The following HSPA4L variants were observed in gnomAD, a reference collection of about 807,000 sequenced individuals.
HSPA4L encodes heat shock 70 kDa protein 4L.
Under a neutral mutation model 100.3 loss-of-function variants are expected in HSPA4L, and 48 were observed. The ratio of observed to expected loss-of-function variants is 0.48; its 90% CI spans 0.38 to 0.61. The LOEUF is 0.61. Ranked by LOEUF, HSPA4L falls within the 20% of genes least tolerant of loss-of-function variation. HSPA4L has a pLI of 0.00. For missense variants in HSPA4L, 886 were observed against 988.6 expected (o/e 0.90, Z 1.39); for synonymous variants, 319 against 328.2 (o/e 0.97, Z 0.30).
intron 12 of HSPA4L, among the ~76,000 whole-genome samples, chr4:127,812,233 C>A (rs570654570): frequency 6.6e-6 from 1 of 151,744 alleles, no homozygotes; most frequent in Non-Finnish European, 1.5e-5. Flanking sequence ...CACAATGAAA[C>A]CCCGTCTCCA....
chr4:127,790,027 T>C (rs1732829025), intron 1 of HSPA4L, among the ~76,000 whole-genome samples: 1 of 152,234 alleles, frequency 6.6e-6, no homozygotes. Context: ...CCAAGCCTGG[T>C]TAAATGACAG....
chr4:127,785,848 T>C (rs988717137), intron 1 of HSPA4L, among the ~76,000 whole-genome samples: 4 of 152,276 alleles, frequency 2.6e-5, no homozygotes, highest in Admixed American at 2.6e-4. Context: ...AGGTTGTTTA[T>C]GATACTTTGT....
Position 127,819,447 on chromosome 4 carries a change from A to G in HSPA4L, c.1675-981A>G, listed in dbSNP as rs970386447. 1.4e-4 allele frequency among the ~76,000 whole-genome samples: 21 copies of G among 152,170 alleles called. 1 individual carries two copies. The highest frequency in any genetic ancestry group is 2.5e-4 in the Non-Finnish European group (17 of 68,018). On this transcript the variant is annotated intron_variant, in intron 13 of 18. Coordinates refer to ENST00000296464, the MANE Select transcript of HSPA4L (RefSeq NM_014278.4). The stretch of plus-strand genomic sequence containing the variant: ...GATTCTAAAGTTATTTAAAACCTGG[A>G]AACTTTTTTTCTGACTTTTTCAAAA...
chr4:127,809,965 T>G (rs1009325476), intron 11 of HSPA4L, among the ~76,000 whole-genome samples: 18 of 152,194 alleles, frequency 1.2e-4, no homozygotes, highest in African/African-American at 4.3e-4. Context: ...CCTAAAATAT[T>G]ATTTCTGAAC....
At chr4:127,792,156 A>G (rs1560651859) in intron 1 of HSPA4L, among the ~76,000 whole-genome samples, 1 of 152,210 alleles carries the variant, frequency 6.6e-6, no homozygotes, top group Non-Finnish European at 1.5e-5. Context: ...TCCATTATTC[A>G]GAAACATTTA....
intron 12 of HSPA4L, chr4:127,813,266 A>T: frequency 1.3e-6 from 1 of 776,232 alleles, no homozygotes; most frequent in Non-Finnish European, 2.2e-6. Context: ...CTATTTTAAG[A>T]CAGTTTCTCC....
intron 1 of HSPA4L, among the ~76,000 whole-genome samples, chr4:127,788,283 TTTAA>T (rs1469854564): frequency 4.6e-5 from 7 of 152,208 alleles, no homozygotes; most frequent in African/African-American, 1.4e-4. Context: ...TTGTTAAATG[TTTAA>T]TTATTTGTCC....
chr4:127,818,939 C>A (rs924466696), intron 13 of HSPA4L, among the ~76,000 whole-genome samples: 8 of 151,236 alleles, frequency 5.3e-5, no homozygotes, highest in African/African-American at 9.7e-5. Flanking sequence ...TGCCTGAATT[C>A]TTTACCTTAT....
chr4:127,781,834 G>A (rs931457999), upstream of HSPA4L: 1 of 262,798 alleles, frequency 3.8e-6, no homozygotes, highest in South Asian at 3.1e-5. Flanking sequence ...GGCCCCTCGG[G>A]GAGGCGAGGC....
chr4:127,831,788 TAGG>T (rs1390549469), intron 18 of HSPA4L, among the ~76,000 whole-genome samples: 1 of 152,062 alleles, frequency 6.6e-6, no homozygotes, highest in Non-Finnish European at 1.5e-5. Flanking sequence ...TATTAATTTG[TAGG>T]AGATGGAATT....
intron 17 of HSPA4L, among the ~76,000 whole-genome samples, chr4:127,828,338 A>G (rs193210702): frequency 6.6e-6 from 1 of 152,254 alleles, no homozygotes; most frequent in African/African-American, 2.4e-5. Flanking sequence ...GCATGTCAAA[A>G]TAGCTTACAT....
chr4:127,822,990 T>C, intron 15 of HSPA4L, 96 bp downstream of exon 15: 1 of 1,266,488 alleles, frequency 7.9e-7, no homozygotes, highest in Non-Finnish European at 1.1e-6. Context: ...CCAAATGTTG[T>C]TATTGTTGCC....
intron 12 of HSPA4L, among the ~76,000 whole-genome samples, chr4:127,812,158 G>A (rs1394051873): frequency 1.3e-5 from 2 of 151,814 alleles, no homozygotes; most frequent in African/African-American, 2.4e-5. Flanking sequence ...GCCTGTAATC[G>A]CAGCACTTTG....
chr4:127,818,324 G>C lies in HSPA4L; in HGVS notation c.1579-1G>C, dbSNP rs985143054. 1 of 1,596,708 alleles carries C rather than the reference G, an allele frequency of 6.3e-7. No homozygotes were observed. The highest frequency in any genetic ancestry group is 8.6e-7 in the Non-Finnish European group (1 of 1,166,994). ...TTATCAATTATGTATTTTCTTTCTA[G>C]GATAAAATGCAGGTTGATCAAGAAG... On this transcript the variant is annotated splice_acceptor_variant, in intron 12 of 18. Transcript: ENST00000296464. LOFTEE classifies it high-confidence loss of function.
At chr4:127,781,942 A>T (rs1264692441), upstream of HSPA4L, 1 of 407,946 alleles carries the variant, frequency 2.5e-6, no homozygotes, top group East Asian at 8.0e-5. Flanking sequence ...CCGGTTGCCA[A>T]AACAACCCAA....
chr4:127,815,693 C>CT (rs1439099743), intron 12 of HSPA4L, among the ~76,000 whole-genome samples: 1 of 151,832 alleles, frequency 6.6e-6, no homozygotes, highest in Non-Finnish European at 1.5e-5. Context: ...CTTCTATGCA[C>CT]TAGGGATACA....
chr4:127,805,064 A>C lies in HSPA4L; in HGVS notation c.986-9A>C. The C allele has an allele frequency of 6.4e-7, 1 of 1,567,278 alleles. No individual in the cohort carries two copies. Among genetic ancestry groups the C allele is most frequent in the Non-Finnish European group, 8.6e-7 (1 of 1,157,828 alleles). On this transcript the variant is annotated splice_polypyrimidine_tract_variant and intron_variant, in intron 8 of 18. Coordinates refer to ENST00000296464, the MANE Select transcript of HSPA4L (RefSeq NM_014278.4). The stretch of plus-strand genomic sequence containing the variant: ...ACTATCATTTTTCTCAATTAAAAAA[A>C]TTTTCCAGACTTACAACGTGAAGAC...
chr4:127,821,377 A>G (rs996914542), intron 14 of HSPA4L, among the ~76,000 whole-genome samples: 1 of 152,158 alleles, frequency 6.6e-6, no homozygotes, highest in African/African-American at 2.4e-5. Context: ...TGAATGTCTC[A>G]TTATTTTCAC....
intron 12 of HSPA4L, among the ~76,000 whole-genome samples, chr4:127,813,843 A>G (rs780798762): frequency 5.3e-5 from 8 of 152,088 alleles, no homozygotes; most frequent in Non-Finnish European, 1.2e-4. Flanking sequence ...ACGGGGTTTC[A>G]CTGTGTTAGC....
Sources: allele counts gnomAD v4.1 joint callset (sites outside exome capture counted in the v4.1 genomes callset), GRCh38; gene constraint gnomAD v4.1.1; transcripts MANE v1.5; gene names NCBI Gene and HGNC (gene_info 2026-07-23, HGNC 2026-07-21).